TMEM120B: variants seen among roughly 807,000 people sequenced by gnomAD.
The protein encoded by TMEM120B is transmembrane protein 120B.
A neutral mutation model predicts 55.5 loss-of-function variants in TMEM120B; 31 were observed. The ratio of observed to expected loss-of-function variants is 0.56; its 90% CI spans 0.42 to 0.75. The LOEUF is 0.75. Ranked by LOEUF, TMEM120B falls within the 30% of genes least tolerant of loss-of-function variation. The pLI is 0.00. For synonymous variants in TMEM120B, 203 were observed against 176.3 expected, an observed-to-expected ratio of 1.15 and a Z score of -1.20; for missense variants, 399 against 425.5, an observed-to-expected ratio of 0.94 and a Z score of 0.55.
At chr12:121,770,639 G>C (rs1327494344) in intron 6 of TMEM120B, among the ~76,000 whole-genome samples, 1 of 152,098 alleles carries the variant, frequency 6.6e-6, no homozygotes, top group African/African-American at 2.4e-5. Context: ...CTTGAAGGCA[G>C]GTGAGGCTAG....
chr12:121,730,775 T>G (rs1157917744), intron 1 of TMEM120B, among the ~76,000 whole-genome samples: 7 of 150,348 alleles, frequency 4.7e-5, no homozygotes, highest in Non-Finnish European at 8.8e-5. Context: ...CTGACCAACA[T>G]GGAGAAATGC....
intron 1 of TMEM120B, among the ~76,000 whole-genome samples, chr12:121,730,850 C>T (rs542290376): frequency 2.6e-4 from 37 of 144,282 alleles, no homozygotes; most frequent in African/African-American, 7.8e-4. Context: ...CCCAGCTACT[C>T]GGGAGGCTGA....
intron 5 of TMEM120B, among the ~76,000 whole-genome samples, chr12:121,754,590 TG>T (rs1274118665): frequency 6.6e-6 from 1 of 152,216 alleles, no homozygotes; most frequent in Non-Finnish European, 1.5e-5. Context: ...AAGCCCGTAT[TG>T]CCTGGCTTAA....
In TMEM120B at chr12:121,775,303, G is replaced by T. The variant is rs1440250730; in HGVS notation, c.906+173G>T. On this transcript the variant is annotated intron_variant, in intron 11 of 11. Coordinates refer to ENST00000449592, the MANE Select transcript of TMEM120B (RefSeq NM_001080825.2). The surrounding 1 kb of genome is among the most constrained non-coding windows in gnomAD (Gnocchi z 4.3). ...GTGCTGTGGGGAGGTTCCTGGGGCG[G>T]GCTGGGCTGGCAGGTGTGGGGTGTT... Among the ~76,000 whole-genome samples the T allele has an allele frequency of 6.6e-6, 1 of 151,510 alleles. No individual in the cohort carries two copies. Among genetic ancestry groups the T allele is most frequent in the Non-Finnish European group, 1.5e-5 (1 of 67,858 alleles).
chr12:121,746,049 C>T, intron 2 of TMEM120B, among the ~76,000 whole-genome samples: 1 of 151,370 alleles, frequency 6.6e-6, no homozygotes. Flanking sequence ...TCAGTAGAGA[C>T]AGGGTTTTGC....
intron 1 of TMEM120B, among the ~76,000 whole-genome samples, chr12:121,739,577 A>G (rs1872862245): frequency 6.6e-6 from 1 of 151,914 alleles, no homozygotes; most frequent in Non-Finnish European, 1.5e-5. Flanking sequence ...GGTTCAAGTA[A>G]TCCTCCCACC....
chr12:121,756,288 A>G (rs1362713712), intron 5 of TMEM120B, among the ~76,000 whole-genome samples: 1 of 152,180 alleles, frequency 6.6e-6, no homozygotes, highest in Non-Finnish European at 1.5e-5. Flanking sequence ...GCTTGAGCCC[A>G]GGAGTTCAAA....
At chr12:121,715,909 G>T (rs1268764727) in intron 1 of TMEM120B, among the ~76,000 whole-genome samples, 2 of 151,492 alleles carry the variant, frequency 1.3e-5, no homozygotes, top group African/African-American at 4.9e-5. Flanking sequence ...AGATGTGAGA[G>T]CTCTGAACTC....
rs767636853 is a variant in TMEM120B, at chr12:121,780,821, C to T, written c.*5099C>T. ...ACCCCAGTTGCAGAGGCCAAAGGTC[C>T]GGGAGGCTTCACAGCCACGGCTGTG... is the stretch of plus-strand genomic sequence containing the variant. On this transcript the variant is annotated 3_prime_UTR_variant, in exon 12 of 12. Coordinates refer to ENST00000449592, the MANE Select transcript of TMEM120B (RefSeq NM_001080825.2). 1.8e-5 allele frequency: 29 copies of T among 1,582,176 alleles called. No individual in the cohort carries two copies. The highest frequency in any genetic ancestry group is 1.7e-4 in the Middle Eastern group (1 of 5,720).
At chr12:121,769,903 T>A (rs767976017) in intron 6 of TMEM120B, among the ~76,000 whole-genome samples, 4 of 152,154 alleles carry the variant, frequency 2.6e-5, no homozygotes, top group Admixed American at 1.3e-4. Context: ...CAGACAGTGA[T>A]CCATGCCATG....
rs756401615 is a variant in TMEM120B, at chr12:121,775,817, G to GA, written c.*96dup. Reference sequence around the variant, plus strand: ...CCTCTCAGGCCCGTGGCATCGCTGGGAGAGGGCCCAGGCCCTGGTCCCCCA... The same window carrying GA: ...CCTCTCAGGCCCGTGGCATCGCTGGGAAGAGGGCCCAGGCCCTGGTCCCCCA... On this transcript the variant is annotated 3_prime_UTR_variant, in exon 12 of 12. Coordinates refer to ENST00000449592, the MANE Select transcript of TMEM120B (RefSeq NM_001080825.2). The surrounding 1 kb of genome is among the most constrained non-coding windows in gnomAD (Gnocchi z 4.3). The GA allele has an allele frequency of 2.5e-4, 347 of 1,360,866 alleles. 1 individual carries two copies. In the Middle Eastern group the frequency reaches 8.0e-3, roughly 31 times the overall value. 84.3% of individuals were successfully genotyped at this position (1,360,866 alleles called of 1,614,324 possible).
In TMEM120B at chr12:121,776,734, C is replaced by T. The variant is rs899478977; in HGVS notation, c.*1012C>T. ...TGGCCCTACAAATCCCTAGGCCAGA[C>T]CTCACAGCAGTGCCCACAGGCATGC... On this transcript the variant is annotated 3_prime_UTR_variant, in exon 12 of 12. Transcript: ENST00000449592. 8 of 152,276 alleles carry T rather than the reference C, an allele frequency of 5.3e-5. No homozygotes were observed. Among genetic ancestry groups the T allele is most frequent in the Non-Finnish European group, 1.0e-4 (7 of 68,068 alleles). The allele number at this position is 152,276 out of a possible 1,614,324, so 9.4% of individuals were successfully genotyped here.
chr12:121,714,113 G>A (rs1198924282), intron 1 of TMEM120B, among the ~76,000 whole-genome samples: 2 of 152,142 alleles, frequency 1.3e-5, no homozygotes, highest in Non-Finnish European at 2.9e-5. Context: ...GGCATGAATA[G>A]AGGGGAAGGG....
intron 9 of TMEM120B, among the ~76,000 whole-genome samples, chr12:121,774,190 A>G (rs1156735749): frequency 6.6e-6 from 1 of 152,120 alleles, no homozygotes; most frequent in Non-Finnish European, 1.5e-5. Flanking sequence ...TGCTGGCCTC[A>G]AGTGATCTGC....
At chr12:121,744,095 G>GTTGC (rs1237903523) in intron 2 of TMEM120B, among the ~76,000 whole-genome samples, 1 of 135,844 alleles carries the variant, frequency 7.4e-6, no homozygotes, top group East Asian at 2.1e-4. Context: ...CTTTCACTCT[G>GTTGC]TTGCCCAGGC....
intron 6 of TMEM120B, among the ~76,000 whole-genome samples, chr12:121,762,055 G>A (rs1425600949): frequency 2.6e-5 from 4 of 152,162 alleles, no homozygotes; most frequent in African/African-American, 4.8e-5. Flanking sequence ...CACTTTGGGA[G>A]GCCGAGGGGG....
At chr12:121,717,650 G>A (rs1386144984) in intron 1 of TMEM120B, among the ~76,000 whole-genome samples, 1 of 152,024 alleles carries the variant, frequency 6.6e-6, no homozygotes, top group Non-Finnish European at 1.5e-5. Flanking sequence ...CTTGGCTTGT[G>A]GGGCGTCTTT....
At chr12:121,744,769 T>G (rs1263049266) in intron 2 of TMEM120B, among the ~76,000 whole-genome samples, 1 of 152,162 alleles carries the variant, frequency 6.6e-6, no homozygotes, top group Non-Finnish European at 1.5e-5. Flanking sequence ...AATCTGGGAC[T>G]CCTGGTCAAC....
At chr12:121,764,749 G>A (rs1406403297) in intron 6 of TMEM120B, among the ~76,000 whole-genome samples, 1 of 152,144 alleles carries the variant, frequency 6.6e-6, no homozygotes, top group African/African-American at 2.4e-5. Context: ...CTAATGTGAC[G>A]CTGTGGATGG....
Sources: gnomAD v4.1 joint callset for allele counts (sites outside exome capture counted in the v4.1 genomes callset) on GRCh38, gnomAD v4.1.1 for gene constraint, Gnocchi (gnomAD v3.1) non-coding constraint, MANE v1.5 for transcripts, NCBI Gene and HGNC (gene_info 2026-07-23, HGNC 2026-07-21) for gene names.